PTH2R: variants seen among roughly 807,000 people sequenced by gnomAD.
PTH2R encodes the protein parathyroid hormone 2 receptor, also known as PTH2 receptor.
A neutral mutation model predicts 60.3 loss-of-function variants in PTH2R; 59 were observed. That is an observed-to-expected ratio of 0.98 (90% CI 0.79 to 1.22). PTH2R has a LOEUF of 1.22. Ranked by LOEUF, PTH2R falls within the 50% of genes most tolerant of loss-of-function variation. The probability of loss-of-function intolerance (pLI) is 0.00; values close to 1 mark genes in which losing one functional copy is unlikely to be tolerated. For missense variants in PTH2R, 749 were observed against 682.6 expected, an observed-to-expected ratio of 1.10 and a Z score of -1.08; for synonymous variants, 256 against 243.8, an observed-to-expected ratio of 1.05 and a Z score of -0.47.
At chr2:208,481,624 T>G (rs538333854) in intron 10 of PTH2R, among the ~76,000 whole-genome samples, 17 of 152,322 alleles carry the variant, frequency 1.1e-4, no homozygotes, top group Non-Finnish European at 1.9e-4. Flanking sequence ...ATATATATAT[T>G]AAGAAAACAT....
chr2:208,380,590 T>C (rs1700894302), intron 1 of PTH2R, among the ~76,000 whole-genome samples: 1 of 152,140 alleles, frequency 6.6e-6, no homozygotes, highest in Admixed American at 6.5e-5. Flanking sequence ...TGATCCATAC[T>C]GTTCTCCTTG....
chr2:208,405,200 C>T (rs1452456260), upstream of PTH2R, among the ~76,000 whole-genome samples: 1 of 151,942 alleles, frequency 6.6e-6, no homozygotes, highest in Non-Finnish European at 1.5e-5. Flanking sequence ...AAAATTGATA[C>T]TTTAAAACAT....
At chr2:208,403,708 T>G (rs776040094), upstream of PTH2R, among the ~76,000 whole-genome samples, 1 of 152,220 alleles carries the variant, frequency 6.6e-6, no homozygotes, top group Non-Finnish European at 1.5e-5. Flanking sequence ...GGCTCTTCTC[T>G]GCTTAAGTTG....
chr2:208,401,307 T>G (rs551206800), intron 1 of PTH2R, among the ~76,000 whole-genome samples: 1 of 152,154 alleles, frequency 6.6e-6, no homozygotes, highest in Non-Finnish European at 1.5e-5. Context: ...ACCTGTATGT[T>G]CCAATGTTAC....
chr2:208,371,198 C>T (rs944277170), intron 1 of PTH2R, among the ~76,000 whole-genome samples: 7 of 152,022 alleles, frequency 4.6e-5, no homozygotes, highest in African/African-American at 1.7e-4. Context: ...CAAACCATAT[C>T]ACCACCAGAA....
At chr2:208,471,742 G>T (rs1702886003) in intron 9 of PTH2R, among the ~76,000 whole-genome samples, 1 of 152,192 alleles carries the variant, frequency 6.6e-6, no homozygotes. Flanking sequence ...TGTGAGAAGA[G>T]GGCCACTGTC....
At chr2:208,388,911 C>T (rs1348628775) in intron 1 of PTH2R, among the ~76,000 whole-genome samples, 1 of 152,168 alleles carries the variant, frequency 6.6e-6, no homozygotes, top group Non-Finnish European at 1.5e-5. Context: ...GGGTCTGGCA[C>T]TCAGTAAGCA....
chr2:208,372,680 A>G (rs1371096936), intron 1 of PTH2R, among the ~76,000 whole-genome samples: 1 of 152,124 alleles, frequency 6.6e-6, no homozygotes, highest in Non-Finnish European at 1.5e-5. Context: ...ACTCTAGGCA[A>G]TAGTTACAAC....
intron 1 of PTH2R, among the ~76,000 whole-genome samples, chr2:208,365,427 A>G (rs1055032374): frequency 6.6e-6 from 1 of 151,786 alleles, no homozygotes; most frequent in African/African-American, 2.4e-5. Flanking sequence ...CTTTTCCTGC[A>G]TCAGTGGAGA....
chr2:208,490,706 G>A (rs1301511402), intron 12 of PTH2R, 26 bp downstream of exon 12: 2 of 1,586,140 alleles, frequency 1.3e-6, no homozygotes, highest in African/African-American at 2.7e-5. Context: ...CCTTGGACAG[G>A]TCTCGCTTCA....
intron 1 of PTH2R, among the ~76,000 whole-genome samples, chr2:208,377,250 G>T (rs766898459): frequency 6.6e-6 from 1 of 152,094 alleles, no homozygotes; most frequent in Non-Finnish European, 1.5e-5. Context: ...AGAACAAAAT[G>T]AAGTCTCCCA....
chr2:208,490,131 C>T (rs1323560505), intron 11 of PTH2R, among the ~76,000 whole-genome samples: 2 of 152,084 alleles, frequency 1.3e-5, no homozygotes, highest in African/African-American at 2.4e-5. Context: ...CATGTCTCTT[C>T]CTTTCTAGAA....
intron 1 of PTH2R, among the ~76,000 whole-genome samples, chr2:208,412,697 G>T (rs1015299173): frequency 2.6e-5 from 4 of 152,138 alleles, no homozygotes; most frequent in Non-Finnish European, 2.9e-5. Context: ...AAAATTATGG[G>T]TCTCATTTTA....
rs890051674 is a variant in PTH2R, at chr2:208,490,502, A to T, written c.1216-137A>T. The T allele has an allele frequency of 7.1e-6, 5 of 706,480 alleles. No individual in the cohort carries two copies. The African/African-American group carries it at 9.0e-5, about 13-fold the overall frequency. The allele number at this position is 706,480 out of a possible 1,614,324, so 43.8% of individuals were successfully genotyped here. ...GTAAACATAAGGATTTGGAAACACT[A>T]GGAGAGAATAATTTGTATATAATTC... is the stretch of plus-strand genomic sequence containing the variant. On this transcript the variant is annotated intron_variant, in intron 11 of 12. Coordinates refer to ENST00000272847, the MANE Select transcript of PTH2R (RefSeq NM_005048.4).
intron 10 of PTH2R, among the ~76,000 whole-genome samples, chr2:208,487,901 G>A (rs1703309337): frequency 6.6e-6 from 1 of 152,224 alleles, no homozygotes; most frequent in Non-Finnish European, 1.5e-5. Context: ...CAGTCTGCTA[G>A]TGAGATGAAA....
rs1207896873 is a variant in PTH2R, at chr2:208,481,153, G to A, written c.1065G>A (p.Arg355=). The change falls in exon 10 of 13, where the codon AGG becomes AGA. Residue 355 remains arginine (R), a synonymous_variant. Coordinates refer to ENST00000272847, the MANE Select transcript of PTH2R (RefSeq NM_005048.4). ...WETNAVGHDT[R]KQYRKLAKST... The stretch of plus-strand genomic sequence containing the variant: ...CCAATGCAGTTGGGCATGACACAAG[G>A]AAGCAATACAGGTAATTTCAGGAGA... The A allele has an allele frequency of 6.2e-7, 1 of 1,604,586 alleles. No homozygotes were observed. Among genetic ancestry groups the A allele is most frequent in the Non-Finnish European group, 8.5e-7 (1 of 1,172,372 alleles).
At chr2:208,365,793 C>T (rs1376679167) in intron 1 of PTH2R, among the ~76,000 whole-genome samples, 1 of 142,130 alleles carries the variant, frequency 7.0e-6, no homozygotes, top group Non-Finnish European at 1.5e-5. Flanking sequence ...GGCTGGAGTG[C>T]AGCGGCACAA....
chr2:208,381,612 A>C lies in PTH2R; in HGVS notation c.-259+21375A>C, dbSNP rs116710641. 9.9e-3 allele frequency among the ~76,000 whole-genome samples: 1,501 copies of C among 152,224 alleles called. 11 individuals carry two copies. The highest frequency in any genetic ancestry group is 0.016 in the Non-Finnish European group (1,076 of 68,024). The stretch of plus-strand genomic sequence containing the variant: ...ATGACTTAAATTTTGAATAAGTTGC[A>C]CTTACTAATTACACTTACACTGCTG... On this transcript the variant is annotated intron_variant, in intron 1 of 12. Transcript: ENST00000617735.
chr2:208,365,321 A>T (rs1024490159), intron 1 of PTH2R, among the ~76,000 whole-genome samples: 3 of 151,994 alleles, frequency 2.0e-5, no homozygotes, highest in African/African-American at 7.3e-5. Flanking sequence ...AACCTTTATT[A>T]TGTGCAGGTA....
Sources: allele counts gnomAD v4.1 joint callset (sites outside exome capture counted in the v4.1 genomes callset), GRCh38; gene constraint gnomAD v4.1.1; transcripts MANE v1.5; gene names NCBI Gene and HGNC (gene_info 2026-07-23, HGNC 2026-07-21).